Variants in PLEKHO2 observed in about 807,000 individuals in gnomAD.
The protein encoded by PLEKHO2 is pleckstrin homology domain-containing family O member 2.
Under a neutral mutation model 32.7 loss-of-function variants are expected in PLEKHO2, and 20 were observed. The ratio of observed to expected loss-of-function variants is 0.61; its 90% CI spans 0.43 to 0.89. The LOEUF is 0.89. Ranked by LOEUF, PLEKHO2 falls within the 40% of genes least tolerant of loss-of-function variation. The pLI is 0.00. For synonymous variants in PLEKHO2, 247 were observed against 246.3 expected (o/e 1.00, Z -0.03); for missense variants, 568 against 621.2 (o/e 0.91, Z 0.91).
chr15:64,851,217 G>T (rs1031235520), intron 2 of PLEKHO2, among the ~76,000 whole-genome samples: 42 of 152,186 alleles, frequency 2.8e-4, no homozygotes, highest in African/African-American at 1.0e-3. Context: ...ACCAAAATAG[G>T]ATGTGCCACA....
At position 64,865,359 on chromosome 15, in the gene PLEKHO2, A is replaced by G; in HGVS notation, c.944A>G (p.Lys315Arg). 4 of 1,613,678 alleles carry G rather than the reference A, an allele frequency of 2.5e-6. No individual in the cohort carries two copies. Among genetic ancestry groups the G allele is most frequent in the South Asian group, 2.2e-5 (2 of 91,064 alleles). Residue 315 changes from lysine to arginine, a missense_variant, in exon 6 of 6, where the codon AAG becomes AGG. By Grantham distance (26) the Lys-to-Arg change is conservative. Coordinates refer to ENST00000323544, the MANE Select transcript of PLEKHO2 (RefSeq NM_025201.5). ...EGGKPPTPPP[K>R]ILSEKLKASM... ...GGGAAGCCCCCTACACCCCCACCCA[A>G]GATCTTATCAGAGAAACTGAAAGCC... is the stretch of plus-strand genomic sequence containing the variant.
At chr15:64,849,142 C>T (rs2084546630) in intron 2 of PLEKHO2, among the ~76,000 whole-genome samples, 1 of 151,784 alleles carries the variant, frequency 6.6e-6, no homozygotes, top group Non-Finnish European at 1.5e-5. Flanking sequence ...CCACCATGCC[C>T]AGCTATTTTT....
chr15:64,855,766 C>T (rs764408485), intron 3 of PLEKHO2, among the ~76,000 whole-genome samples: 29 of 152,174 alleles, frequency 1.9e-4, no homozygotes, highest in Non-Finnish European at 4.0e-4. Context: ...CCAGCTTGCA[C>T]CCATCTGCGG....
intron 3 of PLEKHO2, among the ~76,000 whole-genome samples, chr15:64,857,754 G>C (rs972268380): frequency 2.6e-5 from 4 of 152,158 alleles, no homozygotes; most frequent in African/African-American, 9.7e-5. Flanking sequence ...GAAGAGAGCC[G>C]AGGCAGCCTG....
intron 2 of PLEKHO2, among the ~76,000 whole-genome samples, chr15:64,848,983 CTT>C (rs911070234): frequency 6.7e-6 from 1 of 148,378 alleles, no homozygotes; most frequent in African/African-American, 2.5e-5. Context: ...AAACTTAATT[CTT>C]TTTTTTTTGG....
chr15:64,861,431 C>T (rs946956271), intron 4 of PLEKHO2, 46 bp from the exon 5 acceptor site: 1 of 1,465,942 alleles, frequency 6.8e-7, no homozygotes, highest in Non-Finnish European at 9.3e-7. Flanking sequence ...ACTTCCCACA[C>T]TCCCCAAGGC....
chr15:64,855,081 G>A (rs1176142195), intron 3 of PLEKHO2, 44 bp downstream of exon 3: 1 of 1,503,390 alleles, frequency 6.7e-7, no homozygotes, highest in Non-Finnish European at 9.1e-7. Context: ...CTAGCCCAGA[G>A]TCAGCTTGGG....
At chr15:64,862,249 G>A (rs573093463) in intron 5 of PLEKHO2, among the ~76,000 whole-genome samples, 1 of 152,100 alleles carries the variant, frequency 6.6e-6, no homozygotes, top group African/African-American at 2.4e-5. Context: ...CTCTGGGTAG[G>A]ATGGGTTGGG....
chr15:64,863,713 A>G (rs1595833087), intron 5 of PLEKHO2, among the ~76,000 whole-genome samples: 2 of 150,050 alleles, frequency 1.3e-5, no homozygotes, highest in Non-Finnish European at 3.0e-5. Context: ...TGACCATGCC[A>G]CTGCACTCAG....
intron 2 of PLEKHO2, among the ~76,000 whole-genome samples, chr15:64,850,668 T>G (rs975625165): frequency 3.3e-5 from 5 of 152,210 alleles, no homozygotes; most frequent in African/African-American, 4.8e-5. Context: ...TCCTTGTGCC[T>G]CGAATAGCCC....
chr15:64,858,976 A>G (rs573668625), intron 3 of PLEKHO2, among the ~76,000 whole-genome samples: 194 of 152,148 alleles, frequency 1.3e-3, no homozygotes, highest in Non-Finnish European at 2.5e-3. Context: ...CTCTGTCTCT[A>G]TGATTTTGAC....
chr15:64,859,187 G>A (rs2084626045), intron 3 of PLEKHO2, among the ~76,000 whole-genome samples: 1 of 152,206 alleles, frequency 6.6e-6, no homozygotes, highest in South Asian at 2.1e-4. Context: ...TGGACACTGA[G>A]GTTGCTTCCA....
Position 64,866,758 on chromosome 15 carries a change from G to A in PLEKHO2, c.*870G>A, listed in dbSNP as rs1476560002. ...AAACTTACTTGTAATGATCATGTCA[G>A]CCTTCAGAAGAGAATCCCCACCAAC... On this transcript the variant is annotated 3_prime_UTR_variant, in exon 6 of 6. Transcript: ENST00000323544. The A allele has an allele frequency of 6.2e-6, 1 of 160,112 alleles. No homozygotes were observed. The highest frequency in any genetic ancestry group is 1.9e-4 in the East Asian group (1 of 5,400). The allele number at this position is 160,112 out of a possible 1,614,324, so 9.9% of individuals were successfully genotyped here.
intron 2 of PLEKHO2, among the ~76,000 whole-genome samples, chr15:64,852,191 CT>C (rs1485566971): frequency 6.6e-6 from 1 of 152,092 alleles, no homozygotes; most frequent in Non-Finnish European, 1.5e-5. Flanking sequence ...TTGCATCCCC[CT>C]GGCAGTAAAT....
chr15:64,861,382 G>A (rs1264634601), intron 4 of PLEKHO2, 95 bp from the exon 5 acceptor site: 2 of 841,206 alleles, frequency 2.4e-6, no homozygotes, highest in South Asian at 3.6e-5. Flanking sequence ...GGCAGCGGTG[G>A]GGCACTGACC....
Position 64,842,820 on chromosome 15 carries a change from C to G in PLEKHO2, c.12+792C>G, listed in dbSNP as rs550847599. Among the ~76,000 whole-genome samples, 6 of 152,290 alleles carry G rather than the reference C, an allele frequency of 3.9e-5. No individual in the cohort carries two copies. In the East Asian group the frequency reaches 9.6e-4, roughly 24 times the overall value. On this transcript the variant is annotated intron_variant, in intron 1 of 5. Coordinates refer to ENST00000323544, the MANE Select transcript of PLEKHO2 (RefSeq NM_025201.5). ...TGCCCCTGCCCCTGCCCTTTACTTGCAAACTCAGTTCTGCCAGCAGCCGCT... is the reference window on the plus strand; with the variant it reads ...TGCCCCTGCCCCTGCCCTTTACTTGGAAACTCAGTTCTGCCAGCAGCCGCT...
chr15:64,865,821 A>G lies in PLEKHO2; in HGVS notation c.1406A>G (p.Gln469Arg), dbSNP rs567221574. Reference protein sequence around the residue: ...QEMRDLGELSQEAPGLREKRK... With the variant: ...QEMRDLGELSREAPGLREKRK... ...ATGAGAGATTTGGGAGAGCTGAGCC[A>G]GGAAGCACCTGGGCTAAGGGAGAAG... The change falls in exon 6 of 6, where the codon CAG (glutamine) becomes CGG (arginine). Residue 469 changes from glutamine (Q) to arginine (R), a missense_variant. Transcript: ENST00000323544. The G allele has an allele frequency of 1.2e-6, 2 of 1,613,488 alleles. No homozygotes were observed. Among genetic ancestry groups the G allele is most frequent in the African/African-American group, 2.7e-5 (2 of 75,058 alleles).
chr15:64,860,910 A>C (rs1445042201), intron 4 of PLEKHO2, among the ~76,000 whole-genome samples: 1 of 152,196 alleles, frequency 6.6e-6, no homozygotes, highest in Non-Finnish European at 1.5e-5. Flanking sequence ...CCCACTCCCC[A>C]TCATAGGGCC....
chr15:64,860,049 C>T (rs539781782), intron 4 of PLEKHO2, 51 bp downstream of exon 4: 199 of 1,525,922 alleles, frequency 1.3e-4, no homozygotes, highest in Admixed American at 6.4e-4. Context: ...TTTCCCACTG[C>T]GTGTGATCTA....
Sources: allele counts gnomAD v4.1 joint callset (sites outside exome capture counted in the v4.1 genomes callset), GRCh38; gene constraint gnomAD v4.1.1; transcripts MANE v1.5; gene names NCBI Gene and HGNC (gene_info 2026-07-23, HGNC 2026-07-21).